The following ELP4 variants were observed in gnomAD, a reference collection of about 807,000 sequenced individuals.
ELP4 encodes the protein elongator acetyltransferase complex subunit 4.
In ELP4, 51 loss-of-function variants were observed where a neutral mutation model predicts 48.9. The observed-to-expected ratio is 1.04, with a 90% CI of 0.83 to 1.32. The LOEUF (loss-of-function observed/expected upper bound fraction) is 1.32, where lower values mean the gene tolerates loss of function less well. Among genes scored for constraint, ELP4 ranks in the 40% most tolerant of loss-of-function variants. ELP4 has a pLI of 0.00. For synonymous variants in ELP4, 210 were observed against 189.2 expected (o/e 1.11, Z -0.90); for missense variants, 519 against 514.6 (o/e 1.01, Z -0.08).
intron 2 of ELP4, among the ~76,000 whole-genome samples, chr11:31,530,866 A>G (rs1380766073): frequency 1.3e-5 from 2 of 152,206 alleles, no homozygotes; most frequent in African/African-American, 2.4e-5. Context: ...TGAATATATT[A>G]TCATCAGGTT....
intron 3 of ELP4, among the ~76,000 whole-genome samples, chr11:31,576,071 G>T (rs1163458500): frequency 6.6e-6 from 1 of 152,116 alleles, no homozygotes; most frequent in African/African-American, 2.4e-5. Flanking sequence ...ACACACATAG[G>T]CTCAAAATAA....
At chr11:31,735,006 C>T (rs1483631252) in intron 9 of ELP4, among the ~76,000 whole-genome samples, 1 of 152,014 alleles carries the variant, frequency 6.6e-6, no homozygotes, top group African/African-American at 2.4e-5. Flanking sequence ...GGCATAAAGA[C>T]ATACATATAG....
chr11:31,545,386 G>T (rs1038715628), intron 3 of ELP4, among the ~76,000 whole-genome samples: 3 of 152,122 alleles, frequency 2.0e-5, no homozygotes, highest in Non-Finnish European at 4.4e-5. Flanking sequence ...GGGTATCAGC[G>T]ATGGAAGATG....
chr11:31,560,685 T>A (rs901225396), intron 3 of ELP4, among the ~76,000 whole-genome samples: 1 of 143,366 alleles, frequency 7.0e-6, no homozygotes, highest in African/African-American at 2.5e-5. Context: ...AAAGACCACA[T>A]TGTTTTATAT....
At chr11:31,630,956 A>AAAAG (rs544944478) in intron 6 of ELP4, among the ~76,000 whole-genome samples, 2 of 152,116 alleles carry the variant, frequency 1.3e-5, no homozygotes, top group Non-Finnish European at 2.9e-5. Flanking sequence ...AAAAAAAGAA[A>AAAAG]AAAGAAAGAA....
chr11:31,647,649 C>T, intron 7 of ELP4, 92 bp from the exon 8 acceptor site: 1 of 776,242 alleles, frequency 1.3e-6, no homozygotes, highest in Admixed American at 2.0e-5. Context: ...ATCTCCACTA[C>T]AGTTTTTCAT....
chr11:31,662,943 C>G (rs1945595387), intron 9 of ELP4: 1 of 177,928 alleles, frequency 5.6e-6, no homozygotes, highest in Non-Finnish European at 1.2e-5. Context: ...ATGTGGAACT[C>G]ACTTTCTTAG....
At chr11:31,662,494 TC>T (rs1945582712) in intron 9 of ELP4, 1 of 397,146 alleles carries the variant, frequency 2.5e-6, no homozygotes, top group African/African-American at 2.1e-5. Context: ...TAACAGCCAT[TC>T]CTATCATTTT....
chr11:31,564,098 G>A (rs1957065850), intron 3 of ELP4, among the ~76,000 whole-genome samples: 1 of 152,116 alleles, frequency 6.6e-6, no homozygotes. Context: ...GAGGGTCAAT[G>A]ACTCCCAGTA....
chr11:31,579,434 G>T (rs1957346973), intron 3 of ELP4, among the ~76,000 whole-genome samples: 1 of 152,004 alleles, frequency 6.6e-6, no homozygotes, highest in African/African-American at 2.4e-5. Context: ...CCCATTACTG[G>T]GTATATACCC....
chr11:31,717,979 TG>T (rs1247270812), intron 9 of ELP4, among the ~76,000 whole-genome samples: 1 of 152,142 alleles, frequency 6.6e-6, no homozygotes, highest in African/African-American at 2.4e-5. Flanking sequence ...CTTTCTTTAA[TG>T]GACCCGGGGT....
At chr11:31,560,403 A>G (rs984706808) in intron 3 of ELP4, among the ~76,000 whole-genome samples, 1 of 151,978 alleles carries the variant, frequency 6.6e-6, no homozygotes, top group Non-Finnish European at 1.5e-5. Context: ...TTCATATTCA[A>G]TAGGGACACT....
intron 3 of ELP4, among the ~76,000 whole-genome samples, chr11:31,543,595 T>C (rs1402584553): frequency 6.6e-6 from 1 of 152,130 alleles, no homozygotes; most frequent in East Asian, 1.9e-4. Flanking sequence ...CTGGGCAAAC[T>C]CCAAGTTTTA....
At chr11:31,610,110 C>T (rs771849432) in intron 5 of ELP4, among the ~76,000 whole-genome samples, 4 of 151,894 alleles carry the variant, frequency 2.6e-5, no homozygotes, top group East Asian at 1.9e-4. Flanking sequence ...ACTAAAAATT[C>T]GGAAGTCATA....
At chr11:31,716,889 G>C (rs963824735) in intron 9 of ELP4, among the ~76,000 whole-genome samples, 10 of 152,202 alleles carry the variant, frequency 6.6e-5, no homozygotes, top group African/African-American at 2.4e-4. Flanking sequence ...TCAGAGAAAA[G>C]AGAAATCTTT....
At chr11:31,617,219 T>C (rs1409473933) in intron 5 of ELP4, among the ~76,000 whole-genome samples, 2 of 152,114 alleles carry the variant, frequency 1.3e-5, no homozygotes, top group Non-Finnish European at 2.9e-5. Flanking sequence ...TGAAATGTTA[T>C]TTAGCCTTAA....
chr11:31,576,756 A>G (rs1957287388), intron 3 of ELP4, among the ~76,000 whole-genome samples: 1 of 152,208 alleles, frequency 6.6e-6, no homozygotes, highest in Admixed American at 6.5e-5. Flanking sequence ...GAACAAAGAC[A>G]CAACATACCA....
intron 9 of ELP4, among the ~76,000 whole-genome samples, chr11:31,668,309 T>C (rs943554047): frequency 1.3e-5 from 2 of 152,122 alleles, no homozygotes; most frequent in East Asian, 3.9e-4. Flanking sequence ...AAAACAATTA[T>C]CCTGAAAAAT....
intron 9 of ELP4, among the ~76,000 whole-genome samples, chr11:31,777,610 C>A (rs1296515594): frequency 6.6e-6 from 1 of 152,174 alleles, no homozygotes. Flanking sequence ...AGACATTTCC[C>A]AGCCTCCCTT....
Sources: allele counts gnomAD v4.1 joint callset (sites outside exome capture counted in the v4.1 genomes callset), GRCh38; gene constraint gnomAD v4.1.1; transcripts MANE v1.5; gene names NCBI Gene and HGNC (gene_info 2026-07-23, HGNC 2026-07-21).